BRD4: variants seen among roughly 807,000 people sequenced by gnomAD.
BRD4 encodes the protein bromodomain-containing protein 4.
BRD4 carries 16 observed loss-of-function variants against 142.1 expected under a neutral mutation model. That is an observed-to-expected ratio of 0.11 (90% CI 0.08 to 0.17). The LOEUF is 0.17. Among genes scored for constraint, BRD4 ranks in the 10% least tolerant of loss-of-function variants. The pLI, the probability that BRD4 is intolerant of heterozygous loss-of-function variation, is 1.00. For missense variants in BRD4, 1,424 were observed against 1,810.9 expected (o/e 0.79, Z 3.88); for synonymous variants, 833 against 707.5 (o/e 1.18, Z -2.82).
intron 11 of BRD4, chr19:15,245,067 A>T (rs2047273548): frequency 2.0e-6 from 1 of 489,944 alleles, no homozygotes; most frequent in Non-Finnish European, 3.7e-6. Flanking sequence ...GCCTCCCACT[A>T]CTCAAGGGTC....
At chr19:15,290,931 G>A (rs567397239) in intron 1 of BRD4, among the ~76,000 whole-genome samples, 1 of 152,028 alleles carries the variant, frequency 6.6e-6, no homozygotes, top group African/African-American at 2.4e-5. Flanking sequence ...AAATGAAAAA[G>A]AAAAGAAAAA....
intron 1 of BRD4, among the ~76,000 whole-genome samples, chr19:15,283,659 C>A (rs1284027484): frequency 6.6e-6 from 1 of 152,206 alleles, no homozygotes; most frequent in African/African-American, 2.4e-5. Context: ...ACACTGAACT[C>A]TTGAAACAGA....
chr19:15,319,954 A>C (rs567340195), intron 1 of BRD4, among the ~76,000 whole-genome samples: 1 of 152,274 alleles, frequency 6.6e-6, no homozygotes, highest in East Asian at 1.9e-4. Flanking sequence ...AACAAAACAA[A>C]AAAGCCATCA....
In BRD4 at chr19:15,237,824, TG is replaced by T; in HGVS notation, c.*552del. Reference sequence around the variant, plus strand: ...AGAGCGGCTCTCAATTAAAGGCTTGTGGGGGAGGGTCGGGGGGTCTGTTCAA... The same window carrying T: ...AGAGCGGCTCTCAATTAAAGGCTTGTGGGGAGGGTCGGGGGGTCTGTTCAA... On this transcript the variant is annotated 3_prime_UTR_variant, in exon 20 of 20. Coordinates refer to ENST00000679869, the MANE Select transcript of BRD4 (RefSeq NM_001379291.1). 2 of 182,240 alleles carry T rather than the reference TG, an allele frequency of 1.1e-5. No individual in the cohort carries two copies. Among genetic ancestry groups the T allele is most frequent in the Non-Finnish European group, 2.2e-5 (2 of 91,748 alleles). The allele number at this position is 182,240 out of a possible 1,614,324, so 11.3% of individuals were successfully genotyped here.
In BRD4 at chr19:15,264,566, G is replaced by C. The variant is rs2145599468; in HGVS notation, c.1050C>G (p.Val350=). Residue 350 remains valine (V), a synonymous_variant, in exon 6 of 20, where the codon GTC becomes GTG. Coordinates refer to ENST00000679869, the MANE Select transcript of BRD4 (RefSeq NM_001379291.1). ...QHPAPEKSSK[V]SEQLKCCSGI... Reference sequence around the variant, plus strand: ...CGCTGCAGCACTTGAGCTGCTCCGAGACCTTGCTGCTCTTCTCTGGTGCTG... The same window carrying C: ...CGCTGCAGCACTTGAGCTGCTCCGACACCTTGCTGCTCTTCTCTGGTGCTG... The C allele has an allele frequency of 6.2e-7, 1 of 1,614,210 alleles. No homozygotes were observed. The highest frequency in any genetic ancestry group is 8.5e-7 in the Non-Finnish European group (1 of 1,180,038).
intron 1 of BRD4, among the ~76,000 whole-genome samples, chr19:15,330,709 G>C (rs1366812890): frequency 6.6e-6 from 1 of 152,206 alleles, no homozygotes; most frequent in African/African-American, 2.4e-5. Context: ...AGAGGTTGCA[G>C]TGAGCCGAGA....
intron 7 of BRD4, among the ~76,000 whole-genome samples, chr19:15,261,499 A>T (rs546719886): frequency 6.6e-6 from 1 of 152,106 alleles, no homozygotes; most frequent in African/African-American, 2.4e-5. Flanking sequence ...AAAGAAAGAA[A>T]GAAAGAAAGA....
chr19:15,253,286 C>A, intron 11 of BRD4: 1 of 539,170 alleles, frequency 1.9e-6, no homozygotes, highest in South Asian at 2.4e-5. Flanking sequence ...CCCTCCCTAG[C>A]CTCTCCCCTG....
rs1195720641 is a variant in BRD4, at chr19:15,244,352, G to A, written c.2460C>T (p.Ile820=). 16 of 1,604,176 alleles carry A rather than the reference G, an allele frequency of 1.0e-5. No individual in the cohort carries two copies. Among genetic ancestry groups the A allele is most frequent in the East Asian group, 9.0e-5 (4 of 44,454 alleles). ...GCAGGATGGGCTGGGTGAAGTGGCCGATGGGGTCAAAGACGCTGCCTGGGA... is the reference window on the plus strand; with the variant it reads ...GCAGGATGGGCTGGGTGAAGTGGCCAATGGGGTCAAAGACGCTGCCTGGGA... ...PQLPGSVFDP[I]GHFTQPILHL... The change falls in exon 13 of 20, where the codon ATC becomes ATT. Residue 820 remains isoleucine (I), a synonymous_variant. Transcript: ENST00000679869.
chr19:15,281,818 G>T (rs1324061820), intron 1 of BRD4, among the ~76,000 whole-genome samples: 2 of 152,182 alleles, frequency 1.3e-5, no homozygotes, highest in East Asian at 1.9e-4. Flanking sequence ...AGGAGTTCAA[G>T]ACCACCATGG....
At chr19:15,300,118 G>A (rs2047855318) in intron 1 of BRD4, among the ~76,000 whole-genome samples, 1 of 152,140 alleles carries the variant, frequency 6.6e-6, no homozygotes, top group Non-Finnish European at 1.5e-5. Flanking sequence ...GGTGGTGTGT[G>A]CCTGTAGTTC....
At chr19:15,253,700 G>A (rs955831290) in intron 11 of BRD4, 1 of 1,598,472 alleles carries the variant, frequency 6.3e-7, no homozygotes, top group Non-Finnish European at 8.5e-7. Context: ...AACCAGCGAA[G>A]CATCTCCCTG....
In BRD4 at chr19:15,264,895, T is replaced by A. The variant is rs184846455; in HGVS notation, c.850-129A>T. On this transcript the variant is annotated intron_variant, in intron 5 of 19. Transcript: ENST00000679869. The stretch of plus-strand genomic sequence containing the variant: ...TCACACAGAATGGACCCAAAGATAA[T>A]TGCACAGGCAAAGGGCCAAGGACAG... 1.5e-5 allele frequency: 21 copies of A among 1,413,584 alleles called. No homozygotes were observed. The African/African-American group carries it at 2.7e-4, about 18-fold the overall frequency. 87.6% of individuals were successfully genotyped at this position (1,413,584 alleles called of 1,614,324 possible). A position where few individuals can be genotyped will look rare whatever the true frequency, so the allele number is the denominator to read the frequency against.
chr19:15,276,447 C>A (rs910073975), intron 1 of BRD4, among the ~76,000 whole-genome samples: 3 of 149,794 alleles, frequency 2.0e-5, no homozygotes, highest in Non-Finnish European at 4.4e-5. Flanking sequence ...AGCCTTTGAT[C>A]TGCTAGCCCT....
Position 15,265,672 on chromosome 19 carries a change from G to A in BRD4, c.560-29C>T, listed in dbSNP as rs770447821. ...CAAATCATAATAAGACGGCGAGTTA[G>A]AGACCATGCTGACATCCACATGCTG... On this transcript the variant is annotated intron_variant, in intron 4 of 19. Coordinates refer to ENST00000679869, the MANE Select transcript of BRD4 (RefSeq NM_001379291.1). The A allele has an allele frequency of 3.1e-6, 5 of 1,613,378 alleles. No homozygotes were observed. In the South Asian group the frequency reaches 4.4e-5, roughly 14 times the overall value.
chr19:15,243,021 G>C lies in BRD4; in HGVS notation c.3048C>G (p.Gly1016=), dbSNP rs2047251478. 6 of 1,131,422 alleles carry C rather than the reference G, an allele frequency of 5.3e-6. No homozygotes were observed. The highest frequency in any genetic ancestry group is 7.1e-6 in the Non-Finnish European group (6 of 840,910). 70.1% of individuals were successfully genotyped at this position (1,131,422 alleles called of 1,614,324 possible). A position where few individuals can be genotyped will look rare whatever the true frequency, so the allele number is the denominator to read the frequency against. The change falls in exon 14 of 20, where the codon GGC becomes GGG. Residue 1016 remains glycine, a synonymous_variant. Coordinates refer to ENST00000679869, the MANE Select transcript of BRD4 (RefSeq NM_001379291.1). ...THIQQPPPPQ[G]QQPPHPPPGQ... The stretch of plus-strand genomic sequence containing the variant: ...CTGGGGGCGGATGGGGGGGCTGCTG[G>C]CCCTGGGGTGGCGGGGGCTGTTGGA...
chr19:15,331,245 G>C (rs1033384329), intron 1 of BRD4, among the ~76,000 whole-genome samples: 1 of 152,200 alleles, frequency 6.6e-6, no homozygotes, highest in Non-Finnish European at 1.5e-5. Context: ...CTGAACTAAA[G>C]TATTTACACC....
intron 1 of BRD4, among the ~76,000 whole-genome samples, chr19:15,296,083 G>A (rs1239206338): frequency 6.6e-6 from 1 of 151,960 alleles, no homozygotes; most frequent in Non-Finnish European, 1.5e-5. Context: ...GTGATATCCC[G>A]TCTCTACTAA....
At chr19:15,306,933 G>A (rs574199181) in intron 1 of BRD4, among the ~76,000 whole-genome samples, 233 of 152,214 alleles carry the variant, frequency 1.5e-3, no homozygotes, top group African/African-American at 5.4e-3. Flanking sequence ...TGGAAAAATG[G>A]CACTGATAAA....
Sources: gnomAD v4.1 joint callset for allele counts (sites outside exome capture counted in the v4.1 genomes callset) on GRCh38, gnomAD v4.1.1 for gene constraint, MANE v1.5 for transcripts, NCBI Gene and HGNC (gene_info 2026-07-23, HGNC 2026-07-21) for gene names.